KCNIP4: variants seen among roughly 807,000 people sequenced by gnomAD.
KCNIP4 encodes the protein Kv channel-interacting protein 4.
A neutral mutation model predicts 34.0 loss-of-function variants in KCNIP4; 12 were observed. The ratio of observed to expected loss-of-function variants is 0.35; its 90% CI spans 0.23 to 0.57. The LOEUF is 0.57. Ranked by LOEUF, KCNIP4 falls within the 20% of genes least tolerant of loss-of-function variation. The pLI is 0.83. For missense variants in KCNIP4, 238 were observed against 311.7 expected (o/e 0.76, Z 1.78); for synonymous variants, 124 against 102.2 (o/e 1.21, Z -1.29).
At chr4:21,425,570 A>T (rs1725857382) in intron 1 of KCNIP4, among the ~76,000 whole-genome samples, 1 of 152,206 alleles carries the variant, frequency 6.6e-6, no homozygotes, top group Admixed American at 6.5e-5. Flanking sequence ...TTTTTGGAAG[A>T]TATTTTGTAT....
At chr4:20,843,096 T>C (rs775799269) in intron 3 of KCNIP4, among the ~76,000 whole-genome samples, 9 of 151,834 alleles carry the variant, frequency 5.9e-5, no homozygotes, top group Non-Finnish European at 1.0e-4. Flanking sequence ...TTAGTAGATA[T>C]GGGGTTTCGC....
intron 3 of KCNIP4, among the ~76,000 whole-genome samples, chr4:20,822,046 A>G (rs867423342): frequency 5.3e-5 from 8 of 152,142 alleles, no homozygotes; most frequent in Non-Finnish European, 1.0e-4. Context: ...AAATGCAACA[A>G]AAATAAAAAT....
At chr4:21,249,108 T>C (rs1481471187) in intron 1 of KCNIP4, among the ~76,000 whole-genome samples, 2 of 152,128 alleles carry the variant, frequency 1.3e-5, no homozygotes, top group Non-Finnish European at 1.5e-5. Context: ...GATTTCCTGG[T>C]ATCTTGTAAA....
intron 1 of KCNIP4, among the ~76,000 whole-genome samples, chr4:21,895,993 G>C (rs187896668): frequency 6.6e-6 from 1 of 152,290 alleles, no homozygotes. Flanking sequence ...GTGGAAAGCT[G>C]TTTGGTCTGT....
chr4:21,839,798 C>A (rs1359251279), intron 1 of KCNIP4, among the ~76,000 whole-genome samples: 2 of 152,084 alleles, frequency 1.3e-5, no homozygotes, highest in African/African-American at 4.8e-5. Context: ...TAAGTACTTT[C>A]TCTTTTTTTG....
chr4:21,035,105 T>C (rs1253519650), intron 1 of KCNIP4, among the ~76,000 whole-genome samples: 1 of 152,200 alleles, frequency 6.6e-6, no homozygotes, highest in Non-Finnish European at 1.5e-5. Flanking sequence ...AGGCTGGCAG[T>C]TGTGGAAAGA....
Position 20,748,369 on chromosome 4 carries a change from G to C in KCNIP4, c.429+1293C>G, listed in dbSNP as rs192637732. Among the ~76,000 whole-genome samples the C allele has an allele frequency of 2.3e-3, 356 of 151,886 alleles. 8 individuals are homozygous for C. The South Asian group carries it at 0.047, about 20-fold the overall frequency. The stretch of plus-strand genomic sequence containing the variant: ...GCCTTTGTTCTCTTAAGGAGCTCCT[G>C]ACTGTCCTTTAGACAGTCCATCAGT... On this transcript the variant is annotated intron_variant, in intron 5 of 8. Coordinates refer to ENST00000382152, the MANE Select transcript of KCNIP4 (RefSeq NM_025221.6).
chr4:21,548,492 T>C (rs915513353), intron 1 of KCNIP4, among the ~76,000 whole-genome samples: 1 of 152,036 alleles, frequency 6.6e-6, no homozygotes, highest in East Asian at 1.9e-4. Flanking sequence ...TAATAACACA[T>C]CACTGTTGCA....
intron 1 of KCNIP4, among the ~76,000 whole-genome samples, chr4:21,666,041 A>C (rs924993944): frequency 5.9e-5 from 9 of 152,374 alleles, no homozygotes; most frequent in African/African-American, 2.2e-4. Context: ...TCCTTGGCTG[A>C]CATTTTCCTT....
intron 1 of KCNIP4, among the ~76,000 whole-genome samples, chr4:21,617,094 G>T (rs1432336563): frequency 6.6e-6 from 1 of 152,194 alleles, no homozygotes; most frequent in East Asian, 1.9e-4. Context: ...TAAGACAAAT[G>T]TAGCTGCCTT....
chr4:21,602,543 T>A (rs1305037599), intron 1 of KCNIP4, among the ~76,000 whole-genome samples: 2 of 152,156 alleles, frequency 1.3e-5, no homozygotes, highest in East Asian at 3.9e-4. Context: ...GTGTGTTGAC[T>A]TTTCACATGT....
chr4:21,883,686 T>C (rs1726593347), intron 1 of KCNIP4, among the ~76,000 whole-genome samples: 1 of 152,142 alleles, frequency 6.6e-6, no homozygotes, highest in African/African-American at 2.4e-5. Flanking sequence ...ACAGTGCTAC[T>C]GACTATCCAC....
chr4:20,970,500 T>C (rs978086304), intron 1 of KCNIP4, among the ~76,000 whole-genome samples: 1 of 152,186 alleles, frequency 6.6e-6, no homozygotes, highest in Non-Finnish European at 1.5e-5. Context: ...TGGTTCTCAA[T>C]GAGGGTTAGG....
At chr4:21,637,716 G>A (rs937837859) in intron 1 of KCNIP4, among the ~76,000 whole-genome samples, 52 of 150,696 alleles carry the variant, frequency 3.5e-4, no homozygotes, top group African/African-American at 1.1e-3. Context: ...CCCAGAGATG[G>A]AGGTTGCAGT....
chr4:20,961,048 C>T (rs1733801961), intron 1 of KCNIP4, among the ~76,000 whole-genome samples: 2 of 152,100 alleles, frequency 1.3e-5, no homozygotes, highest in Non-Finnish European at 1.5e-5. Context: ...TTTCTGAATA[C>T]TGAGGGATAT....
intron 1 of KCNIP4, among the ~76,000 whole-genome samples, chr4:21,365,721 T>C (rs1719706500): frequency 6.6e-6 from 1 of 152,090 alleles, no homozygotes; most frequent in Non-Finnish European, 1.5e-5. Flanking sequence ...GCAGCAAAAA[T>C]TTATCTACAA....
At chr4:20,812,276 G>A (rs1715867767) in intron 3 of KCNIP4, among the ~76,000 whole-genome samples, 1 of 152,174 alleles carries the variant, frequency 6.6e-6, no homozygotes, top group African/African-American at 2.4e-5. Context: ...ACCTAGAGAA[G>A]TGAATGTTGG....
In KCNIP4 at chr4:21,186,343, C is replaced by T. The variant is rs75275487; in HGVS notation, c.62-303634G>A. On this transcript the variant is annotated intron_variant, in intron 1 of 8. Coordinates refer to ENST00000382152, the MANE Select transcript of KCNIP4 (RefSeq NM_025221.6). The stretch of plus-strand genomic sequence containing the variant: ...CACCTACAAATACTGTCAGCTAAGG[C>T]TCCTGCTGTGGTCATAGAACTACAG... Among the ~76,000 whole-genome samples the T allele has an allele frequency of 6.3e-3, 959 of 152,300 alleles. 11 individuals carry two copies. The highest frequency in any genetic ancestry group is 0.022 in the African/African-American group (911 of 41,566).
chr4:21,140,891 C>G (rs1415600721), intron 1 of KCNIP4, among the ~76,000 whole-genome samples: 1 of 152,214 alleles, frequency 6.6e-6, no homozygotes, highest in African/African-American at 2.4e-5. Context: ...CTGTCCCCTG[C>G]AGCCTGCCTC....
Sources: gnomAD v4.1 joint callset for allele counts (sites outside exome capture counted in the v4.1 genomes callset) on GRCh38, gnomAD v4.1.1 for gene constraint, MANE v1.5 for transcripts, NCBI Gene and HGNC (gene_info 2026-07-23, HGNC 2026-07-21) for gene names.